ADCY5: variants seen among roughly 807,000 people sequenced by gnomAD.
The protein encoded by ADCY5 is adenylate cyclase 5.
Under a neutral mutation model 119.7 loss-of-function variants are expected in ADCY5, and 30 were observed. The observed-to-expected ratio is 0.25, with a 90% CI of 0.19 to 0.34. The LOEUF is 0.34. ADCY5 is among the 10% of genes least tolerant of loss of function. ADCY5 has a pLI of 1.00. For missense variants in ADCY5, 1,324 were observed against 1,775.2 expected (o/e 0.75, Z 4.57); for synonymous variants, 753 against 762.2 (o/e 0.99, Z 0.20).
rs765748401 is a variant in ADCY5 at position 123,447,399 on chromosome 3, G to A, written c.1134+13C>T. 2 of 1,540,476 alleles carry A rather than the reference G, an allele frequency of 1.3e-6. No homozygotes were observed. Among genetic ancestry groups the A allele is most frequent in the South Asian group, 1.3e-5 (1 of 79,278 alleles). Reference sequence around the variant, plus strand: ...CCCCGCAATCCAGTCCCGGTGGCCAGGTCGGCCCCTACCTGCTTCAGCAGG... The same window carrying A: ...CCCCGCAATCCAGTCCCGGTGGCCAAGTCGGCCCCTACCTGCTTCAGCAGG... On this transcript the variant is annotated intron_variant, in intron 1 of 20. Coordinates refer to ENST00000462833, the MANE Select transcript of ADCY5 (RefSeq NM_183357.3).
chr3:123,447,330 G>A (rs751450328), intron 1 of ADCY5, 82 bp downstream of exon 1: 58 of 1,359,446 alleles, frequency 4.3e-5, no homozygotes, highest in Non-Finnish European at 5.6e-5. Context: ...TCGAAAGGGT[G>A]AGGGTGGGAT....
intron 1 of ADCY5, among the ~76,000 whole-genome samples, chr3:123,408,056 A>G (rs1944949208): frequency 6.6e-6 from 1 of 152,134 alleles, no homozygotes; most frequent in Non-Finnish European, 1.5e-5. Context: ...GTACAGAATT[A>G]TGTACAGTGG....
At chr3:123,341,649 T>C (rs1942287226) in intron 3 of ADCY5, among the ~76,000 whole-genome samples, 1 of 152,140 alleles carries the variant, frequency 6.6e-6, no homozygotes, top group South Asian at 2.1e-4. Flanking sequence ...ATGCTATGTA[T>C]TTTTATCACA....
At chr3:123,410,108 G>A (rs978415861) in intron 1 of ADCY5, among the ~76,000 whole-genome samples, 2 of 152,158 alleles carry the variant, frequency 1.3e-5, no homozygotes, top group South Asian at 2.1e-4. Flanking sequence ...TGCTGGATCC[G>A]GTCAACCCAG....
At chr3:123,405,999 G>C (rs1179541716) in intron 1 of ADCY5, among the ~76,000 whole-genome samples, 1 of 152,198 alleles carries the variant, frequency 6.6e-6, no homozygotes, top group Non-Finnish European at 1.5e-5. Context: ...GGGACCGACT[G>C]CTCTTCCCAG....
At chr3:123,343,073 G>A (rs537361994) in intron 3 of ADCY5, among the ~76,000 whole-genome samples, 1 of 152,332 alleles carries the variant, frequency 6.6e-6, no homozygotes, top group South Asian at 2.1e-4. Context: ...CAGAACAATA[G>A]AGCAGTACGT....
At chr3:123,359,518 TC>T (rs1371165946) in intron 1 of ADCY5, among the ~76,000 whole-genome samples, 5 of 151,490 alleles carry the variant, frequency 3.3e-5, no homozygotes, top group Admixed American at 6.6e-5. Context: ...CTCTTCCAGA[TC>T]TTCCTCCACC....
intron 1 of ADCY5, chr3:123,419,282 C>T (rs574474631): frequency 4.3e-5 from 36 of 838,328 alleles, no homozygotes; most frequent in African/African-American, 3.3e-4. Flanking sequence ...AAGTGCCGTC[C>T]GCCCACCCAC....
At chr3:123,446,352 C>T (rs1385946312) in intron 1 of ADCY5, among the ~76,000 whole-genome samples, 1 of 152,200 alleles carries the variant, frequency 6.6e-6, no homozygotes, top group Non-Finnish European at 1.5e-5. Context: ...TTCGAGAAGG[C>T]AGACACCAGT....
At chr3:123,325,116 C>T (rs1941415312) in intron 8 of ADCY5, among the ~76,000 whole-genome samples, 1 of 152,236 alleles carries the variant, frequency 6.6e-6, no homozygotes, top group Admixed American at 6.5e-5. Flanking sequence ...CCTAATGAGG[C>T]ATGCCACGGG....
At chr3:123,415,670 G>A (rs1163620965) in intron 1 of ADCY5, among the ~76,000 whole-genome samples, 1 of 152,198 alleles carries the variant, frequency 6.6e-6, no homozygotes, top group Non-Finnish European at 1.5e-5. Flanking sequence ...CAAAGCCCAG[G>A]CCTCTGGGTC....
chr3:123,359,312 T>TG (rs1371476649), intron 1 of ADCY5, among the ~76,000 whole-genome samples: 3 of 111,260 alleles, frequency 2.7e-5, no homozygotes. Context: ...AGGCAATATT[T>TG]GGGACCTACT....
rs1392863785 is a variant in ADCY5 at position 123,448,775 on chromosome 3, C to A, written c.-230G>T. On this transcript the variant is annotated 5_prime_UTR_variant, in exon 1 of 21. Coordinates refer to ENST00000462833, the MANE Select transcript of ADCY5 (RefSeq NM_183357.3). ...AGGATCCGCGTCAGAAGTCCCAGGT[C>A]CGAAATGGAGTTGCCTCCGAGGTGG... 5.0e-6 allele frequency: 2 copies of A among 399,634 alleles called. No homozygotes were observed. The highest frequency in any genetic ancestry group is 8.7e-6 in the Non-Finnish European group (2 of 229,786). 24.8% of individuals were successfully genotyped at this position (399,634 alleles called of 1,614,324 possible).
Sources: allele counts gnomAD v4.1 joint callset (sites outside exome capture counted in the v4.1 genomes callset), GRCh38; gene constraint gnomAD v4.1.1; transcripts MANE v1.5; gene names NCBI Gene and HGNC (gene_info 2026-07-23, HGNC 2026-07-21).